Variants in RBBP8 observed in about 807,000 individuals in gnomAD.
RBBP8 encodes the protein DNA endonuclease RBBP8.
RBBP8 carries 88 observed loss-of-function variants against 108.3 expected under a neutral mutation model. That is an observed-to-expected ratio of 0.81 (90% CI 0.68 to 0.97). The LOEUF (loss-of-function observed/expected upper bound fraction) is 0.97. Among genes scored for constraint, RBBP8 ranks in the 50% least tolerant of loss-of-function variants. The probability of loss-of-function intolerance (pLI) is 0.00; values close to 1 mark genes in which losing one functional copy is unlikely to be tolerated. For synonymous variants in RBBP8, 332 were observed against 348.2 expected, an observed-to-expected ratio of 0.95 and a Z score of 0.52; for missense variants, 1,023 against 1,049.0, an observed-to-expected ratio of 0.98 and a Z score of 0.34.
chr18:22,980,301 G>A (rs143284639), intron 6 of RBBP8, among the ~76,000 whole-genome samples: 4 of 152,242 alleles, frequency 2.6e-5, no homozygotes, highest in African/African-American at 9.6e-5. Context: ...TTAAAAAGCA[G>A]TAAATGCTGT....
intron 7 of RBBP8, 74 bp from the exon 8 acceptor site, chr18:22,984,808 GAATA>G (rs1915202362): frequency 3.6e-6 from 3 of 829,674 alleles, no homozygotes; most frequent in Non-Finnish European, 5.6e-6. Flanking sequence ...TTTTAAATAT[GAATA>G]AATAAAAATA....
rs756768828 is a variant in RBBP8, at chr18:22,993,572, C to T, written c.1745C>T (p.Ala582Val). 4 of 1,613,664 alleles carry T rather than the reference C, an allele frequency of 2.5e-6. No individual in the cohort carries two copies. Among genetic ancestry groups the T allele is most frequent in the East Asian group, 4.5e-5 (2 of 44,892 alleles). Reference protein sequence around the residue: ...KPSLQIKEENAVFKIPLRPRE... With the variant: ...KPSLQIKEENVVFKIPLRPRE... ...TCATTACAAATAAAAGAAGAAAATG[C>T]TGTCTTTAAAATTCCTCTACGTCCA... The change falls in exon 11 of 19, where the codon GCT becomes GTT. Residue 582 changes from alanine (A) to valine (V), a missense_variant. By Grantham distance (64) the Ala-to-Val change is moderately conservative (BLOSUM62 0). Transcript: ENST00000327155.
chr18:22,939,244 C>T (rs796289644), intron 2 of RBBP8, among the ~76,000 whole-genome samples: 16 of 152,300 alleles, frequency 1.1e-4, no homozygotes, highest in African/African-American at 3.4e-4. Context: ...CGGTGGCTCA[C>T]GCCTGTAATC....
chr18:22,964,441 C>T (rs1226240506), intron 4 of RBBP8, among the ~76,000 whole-genome samples: 2 of 149,890 alleles, frequency 1.3e-5, no homozygotes, highest in African/African-American at 4.9e-5. Context: ...TTCACTATTC[C>T]CCACACTGCC....
chr18:23,022,921 T>TA (rs1217854335), intron 18 of RBBP8, among the ~76,000 whole-genome samples: 3 of 145,686 alleles, frequency 2.1e-5, no homozygotes, highest in Non-Finnish European at 4.5e-5. Flanking sequence ...TTTTTTTTTA[T>TA]AGGGCTTCAC....
chr18:22,934,615 T>C (rs1468196803), intron 1 of RBBP8: 2 of 152,190 alleles, frequency 1.3e-5, no homozygotes, highest in Non-Finnish European at 2.9e-5. Flanking sequence ...GTTGGTGTGC[T>C]GCACCCATTA....
intron 8 of RBBP8, among the ~76,000 whole-genome samples, chr18:22,985,651 G>A (rs886191404): frequency 1.3e-5 from 2 of 152,096 alleles, no homozygotes; most frequent in Non-Finnish European, 2.9e-5. Context: ...ACTGGGAGCC[G>A]CAGGTGTATA....
intron 5 of RBBP8, among the ~76,000 whole-genome samples, chr18:22,970,557 T>C (rs988244454): frequency 1.3e-5 from 2 of 152,204 alleles, no homozygotes; most frequent in Admixed American, 1.3e-4. Flanking sequence ...CCTCTTCAGA[T>C]TTGGGCAAAA....
At chr18:22,935,428 AAATT>A (rs1214334877) in intron 1 of RBBP8, among the ~76,000 whole-genome samples, 2 of 151,814 alleles carry the variant, frequency 1.3e-5, no homozygotes, top group African/African-American at 4.8e-5. Context: ...ATACCCAAGA[AAATT>A]AATAATTTCC....
chr18:22,990,848 C>T (rs199852834), intron 9 of RBBP8, 89 bp from the exon 10 acceptor site: 11 of 959,952 alleles, frequency 1.1e-5, no homozygotes, highest in Non-Finnish European at 1.6e-5. Context: ...TGAGGTTCAT[C>T]TACATCATAA....
chr18:22,960,988 T>TA (rs1200595994), intron 4 of RBBP8, among the ~76,000 whole-genome samples: 1 of 152,202 alleles, frequency 6.6e-6, no homozygotes, highest in Non-Finnish European at 1.5e-5. Flanking sequence ...CAAGTAACAC[T>TA]AACTGCATTT....
intron 16 of RBBP8, among the ~76,000 whole-genome samples, chr18:23,007,702 A>C (rs183909682): frequency 0.015 from 2,312 of 150,442 alleles, 41 homozygotes; most frequent in African/African-American, 0.054. Flanking sequence ...CGTCTCAGAA[A>C]AAAAAAAAAA....
intron 1 of RBBP8, among the ~76,000 whole-genome samples, chr18:22,934,958 A>G (rs1164300316): frequency 6.7e-6 from 1 of 148,286 alleles, no homozygotes; most frequent in Non-Finnish European, 1.5e-5. Flanking sequence ...ATAATATATA[A>G]TTATATATTA....
intron 5 of RBBP8, among the ~76,000 whole-genome samples, chr18:22,973,110 A>G (rs1041230704): frequency 3.9e-5 from 6 of 152,190 alleles, no homozygotes; most frequent in African/African-American, 7.2e-5. Flanking sequence ...ACTTTAGCCT[A>G]AGGGCAACTA....
intron 5 of RBBP8, among the ~76,000 whole-genome samples, chr18:22,969,633 A>G (rs1465656276): frequency 6.6e-6 from 1 of 152,192 alleles, no homozygotes; most frequent in Non-Finnish European, 1.5e-5. Context: ...AAAAGAGGTA[A>G]GAAAGAATAT....
intron 17 of RBBP8, among the ~76,000 whole-genome samples, chr18:23,020,004 C>T (rs376784274): frequency 1.2e-3 from 177 of 151,806 alleles, no homozygotes; most frequent in African/African-American, 3.9e-3. Context: ...CCTCGTGATC[C>T]GCCCGCTTCA....
At chr18:23,012,695 A>C (rs2046189783) in intron 16 of RBBP8, among the ~76,000 whole-genome samples, 2 of 152,248 alleles carry the variant, frequency 1.3e-5, no homozygotes, top group Non-Finnish European at 2.9e-5. Flanking sequence ...ACTGATATAG[A>C]AGCTGTAGCA....
chr18:22,988,970 T>G (rs1915506143), intron 8 of RBBP8, among the ~76,000 whole-genome samples: 1 of 152,226 alleles, frequency 6.6e-6, no homozygotes, highest in South Asian at 2.1e-4. Context: ...ATTATCTACC[T>G]ATTGCATTCA....
intron 2 of RBBP8, among the ~76,000 whole-genome samples, chr18:22,941,498 A>G (rs1348697646): frequency 6.6e-6 from 1 of 152,148 alleles, no homozygotes; most frequent in Non-Finnish European, 1.5e-5. Flanking sequence ...TTTAATAGAA[A>G]TAAAATATTT....
Sources: allele counts gnomAD v4.1 joint callset (sites outside exome capture counted in the v4.1 genomes callset), GRCh38; gene constraint gnomAD v4.1.1; transcripts MANE v1.5; gene names NCBI Gene and HGNC (gene_info 2026-07-23, HGNC 2026-07-21).